Variants in IGF2BP1 observed in about 807,000 individuals in gnomAD.
IGF2BP1 encodes insulin-like growth factor 2 mRNA-binding protein 1.
Under a neutral mutation model 74.9 loss-of-function variants are expected in IGF2BP1, and 11 were observed. The ratio of observed to expected loss-of-function variants is 0.15; its 90% CI spans 0.09 to 0.24. The LOEUF is 0.24. Among genes scored for constraint, IGF2BP1 ranks in the 10% least tolerant of loss-of-function variants. The probability of loss-of-function intolerance (pLI) is 1.00; values close to 1 mark genes in which losing one functional copy is unlikely to be tolerated. For synonymous variants in IGF2BP1, 287 were observed against 281.8 expected (o/e 1.02, Z -0.18); for missense variants, 440 against 757.4 (o/e 0.58, Z 4.92).
intron 2 of IGF2BP1, chr17:49,012,375 C>G (rs1351274548): frequency 6.6e-6 from 1 of 152,174 alleles, no homozygotes; most frequent in East Asian, 1.9e-4. Flanking sequence ...TCAGCCTGTC[C>G]TTTTGCAGAT....
chr17:49,014,672 C>T, intron 2 of IGF2BP1: 1 of 644,592 alleles, frequency 1.6e-6, no homozygotes, highest in Non-Finnish European at 1.9e-6. Context: ...TGGTTGGCAG[C>T]TAGGGGGAGA....
chr17:49,034,331 C>A (rs1430824288), intron 5 of IGF2BP1, among the ~76,000 whole-genome samples: 1 of 151,562 alleles, frequency 6.6e-6, no homozygotes, highest in East Asian at 1.9e-4. Context: ...GTTGGCCAGG[C>A]TGGTCTTGAA....
chr17:49,048,025 T>G (rs149462088), intron 14 of IGF2BP1, among the ~76,000 whole-genome samples: 7 of 152,148 alleles, frequency 4.6e-5, no homozygotes, highest in East Asian at 3.9e-4. Context: ...CTCAGCTGCT[T>G]CTTTAACCAG....
chr17:48,997,094 G>A (rs1438661721), upstream of IGF2BP1, among the ~76,000 whole-genome samples: 2 of 152,102 alleles, frequency 1.3e-5, no homozygotes, highest in East Asian at 1.9e-4. This position sits in a 1 kb window ranked among gnomAD's most constrained non-coding sequence, Gnocchi z 4.8. Context: ...GTGAGATCTG[G>A]GCTGGACCAT....
chr17:49,024,248 G>C (rs528684563), intron 2 of IGF2BP1, among the ~76,000 whole-genome samples: 1 of 151,874 alleles, frequency 6.6e-6, no homozygotes, highest in South Asian at 2.1e-4. Flanking sequence ...ACATTTTAAA[G>C]ATGGGAAGAA....
intron 14 of IGF2BP1, among the ~76,000 whole-genome samples, chr17:49,046,669 A>G (rs183522867): frequency 4.8e-4 from 71 of 149,358 alleles, no homozygotes; most frequent in Non-Finnish European, 8.2e-4. Flanking sequence ...ATATGTAAAT[A>G]TATATATATA....
At chr17:49,028,793 C>T (rs1275687544) in intron 4 of IGF2BP1, among the ~76,000 whole-genome samples, 1 of 152,104 alleles carries the variant, frequency 6.6e-6, no homozygotes, top group African/African-American at 2.4e-5. Flanking sequence ...CCTATCCCAT[C>T]CTCTTTCATC....
In IGF2BP1 at chr17:48,997,786, C is replaced by T; in HGVS notation, c.41C>T (p.Thr14Ile). The T allele has an allele frequency of 1.2e-6, 2 of 1,614,068 alleles. No individual in the cohort carries two copies. Among genetic ancestry groups the T allele is most frequent in the African/African-American group, 1.3e-5 (1 of 75,050 alleles). ...LYIGNLNESVTPADLEKVFAE... is the reference protein window; with the variant it reads ...LYIGNLNESVIPADLEKVFAE... The stretch of plus-strand genomic sequence containing the variant: ...ATCGGCAACCTCAACGAGAGCGTGA[C>T]CCCCGCGGACTTGGAGAAAGTGTTT... The change falls in exon 1 of 15, where the codon ACC (threonine) becomes ATC (isoleucine). Residue 14 changes from threonine (T) to isoleucine (I), a missense_variant. By Grantham distance (89) the Thr-to-Ile change is moderately conservative. Transcript: ENST00000290341. The surrounding 1 kb of genome is among the most constrained non-coding windows in gnomAD (Gnocchi z 4.8).
chr17:49,000,033 G>T (rs1322727101), intron 2 of IGF2BP1, among the ~76,000 whole-genome samples: 1 of 151,720 alleles, frequency 6.6e-6, no homozygotes, highest in Non-Finnish European at 1.5e-5. Flanking sequence ...TACTTACCGA[G>T]AATTCATGGT....
Position 49,046,041 on chromosome 17 carries a change from T to TTGA in IGF2BP1, c.1527+21_1527+23dup. 6.2e-7 allele frequency: 1 copy of TTGA among 1,612,898 alleles called. No homozygotes were observed. Among genetic ancestry groups the TTGA allele is most frequent in the Non-Finnish European group, 8.5e-7 (1 of 1,179,492 alleles). Reference sequence around the variant, plus strand: ...AAAACGGTGAGCTGTGAGGGCCAGGTTGAAAGCCCTGGGCCTTGGTCTCCA... The same window carrying TTGA: ...AAAACGGTGAGCTGTGAGGGCCAGGTTGATGAAAGCCCTGGGCCTTGGTCTCCA... On this transcript the variant is annotated intron_variant, in intron 13 of 14. Transcript: ENST00000290341.
intron 9 of IGF2BP1, among the ~76,000 whole-genome samples, chr17:49,043,097 G>GT (rs2042070330): frequency 6.6e-6 from 1 of 152,090 alleles, no homozygotes; most frequent in South Asian, 2.1e-4. Context: ...CATATAGGGG[G>GT]TTATAGTATA....
intron 2 of IGF2BP1, among the ~76,000 whole-genome samples, chr17:49,019,294 C>G (rs1351147343): frequency 6.6e-6 from 1 of 152,110 alleles, no homozygotes; most frequent in East Asian, 1.9e-4. Context: ...TCCTTCCTCC[C>G]TTGGAGCCCA....
intron 4 of IGF2BP1, among the ~76,000 whole-genome samples, chr17:49,026,973 C>A (rs2041866081): frequency 6.6e-6 from 1 of 152,148 alleles, no homozygotes; most frequent in African/African-American, 2.4e-5. Context: ...GATCTCCTGA[C>A]CTTGTGACCC....
At chr17:49,045,200 G>A (rs2042096894) in intron 12 of IGF2BP1, 135 bp downstream of exon 12, 9 of 665,966 alleles carry the variant, frequency 1.4e-5, no homozygotes, top group African/African-American at 1.8e-5. Flanking sequence ...CTTCCATGCA[G>A]GATAAAGGGC....
intron 4 of IGF2BP1, 113 bp downstream of exon 4, chr17:49,026,630 T>C: frequency 2.2e-6 from 1 of 448,982 alleles, no homozygotes; most frequent in Non-Finnish European, 3.7e-6. Context: ...CCTTCCTTCC[T>C]TCCTGCCTTC....
chr17:49,037,360 TGAAG>T (rs1338417722), intron 5 of IGF2BP1: 5 of 502,982 alleles, frequency 9.9e-6, no homozygotes, highest in Non-Finnish European at 1.9e-5. Flanking sequence ...ATGGAATACC[TGAAG>T]GAAGGAAGAA....
In IGF2BP1 at chr17:49,019,547, T is replaced by C. The variant is rs138414604; in HGVS notation, c.237-6071T>C. Among the ~76,000 whole-genome samples the C allele has an allele frequency of 1.4e-3, 209 of 152,134 alleles. 1 individual carries two copies. Among genetic ancestry groups the C allele is most frequent in the Non-Finnish European group, 2.2e-3 (152 of 68,010 alleles). ...TAATAACCCCTCTGTGTACCATCCA[T>C]CACTTAGCTTTAAAATTACCATGCA... On this transcript the variant is annotated intron_variant, in intron 2 of 14. Coordinates refer to ENST00000290341, the MANE Select transcript of IGF2BP1 (RefSeq NM_006546.4).
chr17:49,003,782 G>C (rs938275775), intron 2 of IGF2BP1, among the ~76,000 whole-genome samples: 14 of 140,236 alleles, frequency 1.0e-4, no homozygotes, highest in African/African-American at 2.9e-4. Context: ...CAGACGGGGA[G>C]GGGGGAGGGA....
chr17:49,020,485 T>C (rs1408880234), intron 2 of IGF2BP1, among the ~76,000 whole-genome samples: 4 of 152,220 alleles, frequency 2.6e-5, no homozygotes, highest in African/African-American at 9.6e-5. Flanking sequence ...GTATCTTGTC[T>C]AAGTCACACA....
Sources: allele counts gnomAD v4.1 joint callset (sites outside exome capture counted in the v4.1 genomes callset), GRCh38; gene constraint gnomAD v4.1.1; non-coding constraint Gnocchi (gnomAD v3.1); transcripts MANE v1.5; gene names NCBI Gene and HGNC (gene_info 2026-07-23, HGNC 2026-07-21).